The following PDE7A variants were observed in gnomAD, a reference collection of about 807,000 sequenced individuals.
The protein encoded by PDE7A is phosphodiesterase 7A.
PDE7A carries 39 observed loss-of-function variants against 64.3 expected under a neutral mutation model. The ratio of observed to expected loss-of-function variants is 0.61; its 90% CI spans 0.47 to 0.79. The LOEUF (loss-of-function observed/expected upper bound fraction) is 0.79. PDE7A is among the 30% of genes least tolerant of loss of function. PDE7A has a pLI of 0.00. For synonymous variants in PDE7A, 203 were observed against 206.8 expected, an observed-to-expected ratio of 0.98 and a Z score of 0.16; for missense variants, 470 against 582.8, an observed-to-expected ratio of 0.81 and a Z score of 1.99.
chr8:65,841,490 G>C lies in PDE7A; in HGVS notation c.19C>G (p.Leu7Val). The change falls in exon 1 of 13, where the codon CTG becomes GTG. Residue 7 changes from leucine to valine, a missense_variant. Coordinates refer to ENST00000401827, the MANE Select transcript of PDE7A (RefSeq NM_001242318.3). ...GGCCTGTCCAGGGGCAGTACCGGCAGCTGGTAACACACTTCCATTGAATAC... is the reference window on the plus strand; with the variant it reads ...GGCCTGTCCAGGGGCAGTACCGGCACCTGGTAACACACTTCCATTGAATAC... Reference protein sequence around the residue: MEVCYQLPVLPLDRPVP... With the variant: MEVCYQVPVLPLDRPVP... The C allele has an allele frequency of 1.9e-6, 3 of 1,545,322 alleles. No individual in the cohort carries two copies. Among genetic ancestry groups the C allele is most frequent in the Non-Finnish European group, 2.6e-6 (3 of 1,152,878 alleles).
intron 1 of PDE7A, among the ~76,000 whole-genome samples, chr8:65,820,742 A>G (rs1810522721): frequency 6.6e-6 from 1 of 152,010 alleles, no homozygotes; most frequent in African/African-American, 2.4e-5. Flanking sequence ...GACGCACACC[A>G]CTATGCCAGG....
chr8:65,723,604 A>AT lies in PDE7A; in HGVS notation c.1179dup (p.Tyr394IlefsTer14). ...CAAAGTGGACTCACACCCAAATGAT[A>AT]TTTTTTTTCTATATCTCCTATAAAT... On this transcript the variant is annotated frameshift_variant, in exon 12 of 13. Coordinates refer to ENST00000401827, the MANE Select transcript of PDE7A (RefSeq NM_001242318.3). LOFTEE classifies it high-confidence loss of function. The AT allele has an allele frequency of 1.8e-5, 28 of 1,571,568 alleles. No individual in the cohort carries two copies. The highest frequency in any genetic ancestry group is 7.4e-5 in the South Asian group (6 of 81,578).
chr8:65,790,072 C>G (rs917132596), intron 1 of PDE7A, among the ~76,000 whole-genome samples: 1 of 152,194 alleles, frequency 6.6e-6, no homozygotes, highest in African/African-American at 2.4e-5. Flanking sequence ...TGTGATGGTG[C>G]AAGAATTGTG....
intron 3 of PDE7A, among the ~76,000 whole-genome samples, chr8:65,748,101 T>G (rs562988818): frequency 2.6e-4 from 39 of 152,082 alleles, no homozygotes; most frequent in South Asian, 1.0e-3. Context: ...CGGTTTGTTT[T>G]TTTTTTTAAC....
chr8:65,824,893 C>T (rs961811862), intron 1 of PDE7A, among the ~76,000 whole-genome samples: 1 of 152,110 alleles, frequency 6.6e-6, no homozygotes, highest in South Asian at 2.1e-4. Flanking sequence ...TCTGAACCCA[C>T]AATATCTGAG....
chr8:65,744,469 G>A (rs77569463), intron 5 of PDE7A, among the ~76,000 whole-genome samples: 3,836 of 152,122 alleles, frequency 0.025, 176 homozygotes, highest in African/African-American at 0.086. Context: ...GTTTCTGTCC[G>A]CAAAGAGAAT....
At position 65,841,900 on chromosome 8, in the gene PDE7A, A is replaced by AAGACAGC; in HGVS notation, c.-399_-393dup. On this transcript the variant is annotated 5_prime_UTR_variant, in exon 1 of 13. Coordinates refer to ENST00000401827, the MANE Select transcript of PDE7A (RefSeq NM_001242318.3). The stretch of plus-strand genomic sequence containing the variant: ...CGAACGGAGCAAAGCAGTGCAAGAA[A>AAGACAGC]AGACAGCTGGAGCCAGCGGCCAGAC... 1 of 206,350 alleles carries AAGACAGC rather than the reference A, an allele frequency of 4.8e-6. No homozygotes were observed. The highest frequency in any genetic ancestry group is 9.3e-6 in the Non-Finnish European group (1 of 106,952). The allele number at this position is 206,350 out of a possible 1,614,324, so 12.8% of individuals were successfully genotyped here. A position where few individuals can be genotyped will look rare whatever the true frequency, so the allele number is the denominator to read the frequency against.
intron 6 of PDE7A, among the ~76,000 whole-genome samples, chr8:65,738,058 T>G (rs1405093701): frequency 6.6e-6 from 1 of 152,192 alleles, no homozygotes; most frequent in Non-Finnish European, 1.5e-5. Context: ...AAGTGAATAT[T>G]GCAATATAGC....
At chr8:65,819,644 A>G (rs1468474698) in intron 1 of PDE7A, among the ~76,000 whole-genome samples, 2 of 152,208 alleles carry the variant, frequency 1.3e-5, no homozygotes, top group African/African-American at 4.8e-5. Flanking sequence ...ATAATCCTTA[A>G]AAGTTAAAAT....
At chr8:65,817,547 C>T (rs1396776952) in intron 1 of PDE7A, among the ~76,000 whole-genome samples, 1 of 152,136 alleles carries the variant, frequency 6.6e-6, no homozygotes, top group African/African-American at 2.4e-5. Context: ...CTTTGATCTC[C>T]TCTGCCCTGT....
At chr8:65,735,220 G>A (rs1020984496) in intron 6 of PDE7A, among the ~76,000 whole-genome samples, 4 of 152,152 alleles carry the variant, frequency 2.6e-5, no homozygotes, top group Non-Finnish European at 5.9e-5. Flanking sequence ...CTGTGATGGG[G>A]AAACACAATC....
intron 7 of PDE7A, 32 bp from the exon 8 acceptor site, chr8:65,727,333 GATATATC>G: frequency 1.9e-6 from 3 of 1,611,438 alleles, no homozygotes; most frequent in African/African-American, 1.3e-5. Flanking sequence ...ATGAATCACA[GATATATC>G]TAAAATAAGC....
intron 2 of PDE7A, among the ~76,000 whole-genome samples, chr8:65,780,504 T>G (rs1360791754): frequency 2.0e-5 from 3 of 152,222 alleles, no homozygotes; most frequent in Non-Finnish European, 4.4e-5. Context: ...AGATTTATTT[T>G]TCTATACAGC....
chr8:65,770,904 T>C (rs941111636), intron 3 of PDE7A: 1 of 175,426 alleles, frequency 5.7e-6, no homozygotes, highest in African/African-American at 2.4e-5. Flanking sequence ...TGTGTTTCTG[T>C]GCTCAACTGA....
chr8:65,728,329 A>G (rs1179206423), intron 7 of PDE7A: 1 of 152,232 alleles, frequency 6.6e-6, no homozygotes, highest in Non-Finnish European at 1.5e-5. Flanking sequence ...ATAATTTTAG[A>G]TTCAAATTCT....
intron 3 of PDE7A, among the ~76,000 whole-genome samples, chr8:65,772,780 G>T (rs542302354): frequency 1.1e-4 from 17 of 152,162 alleles, no homozygotes; most frequent in Non-Finnish European, 1.9e-4. Context: ...AAGGCAGGCA[G>T]ATCACTTGAG....
At chr8:65,799,711 T>C (rs1585927672) in intron 1 of PDE7A, among the ~76,000 whole-genome samples, 2 of 152,150 alleles carry the variant, frequency 1.3e-5, no homozygotes, top group East Asian at 1.9e-4. Context: ...TCTCACGGCC[T>C]GGAAAGAGAG....
intron 1 of PDE7A, among the ~76,000 whole-genome samples, chr8:65,823,413 T>A (rs1810588990): frequency 6.6e-6 from 1 of 152,192 alleles, no homozygotes; most frequent in African/African-American, 2.4e-5. Context: ...CCTTTAAATG[T>A]TTGCAAGATA....
chr8:65,802,096 A>G (rs1399640027), intron 1 of PDE7A, among the ~76,000 whole-genome samples: 1 of 152,266 alleles, frequency 6.6e-6, no homozygotes, highest in East Asian at 1.9e-4. Flanking sequence ...ATGATCTAAC[A>G]TCAACAAAAC....
Sources: gnomAD v4.1 joint callset for allele counts (sites outside exome capture counted in the v4.1 genomes callset) on GRCh38, gnomAD v4.1.1 for gene constraint, MANE v1.5 for transcripts, NCBI Gene and HGNC (gene_info 2026-07-23, HGNC 2026-07-21) for gene names.